DTNB: variants seen among roughly 807,000 people sequenced by gnomAD.
DTNB encodes dystrobrevin beta.
A neutral mutation model predicts 90.7 loss-of-function variants in DTNB; 63 were observed. That is an observed-to-expected ratio of 0.69 (90% CI 0.57 to 0.86). The LOEUF is 0.86. DTNB is among the 40% of genes least tolerant of loss of function. The pLI is 0.00. For missense variants in DTNB, 744 were observed against 807.1 expected (o/e 0.92, Z 0.95); for synonymous variants, 277 against 286.7 (o/e 0.97, Z 0.34).
intron 6 of DTNB, among the ~76,000 whole-genome samples, chr2:25,592,779 G>A (rs1205598302): frequency 3.3e-5 from 5 of 152,164 alleles, no homozygotes; most frequent in Non-Finnish European, 7.3e-5. Flanking sequence ...AGGTATATGA[G>A]GAAAACAGAG....
chr2:25,542,718 G>A (rs951715139), intron 8 of DTNB, among the ~76,000 whole-genome samples: 2 of 152,260 alleles, frequency 1.3e-5, no homozygotes, highest in South Asian at 4.1e-4. Flanking sequence ...TTATTTGGGT[G>A]TTCTATTCCA....
At chr2:25,612,465 C>T (rs571405816) in intron 4 of DTNB, among the ~76,000 whole-genome samples, 1 of 152,114 alleles carries the variant, frequency 6.6e-6, no homozygotes, top group Admixed American at 6.5e-5. Context: ...ATTAAAAATG[C>T]TTATACTAGA....
intron 9 of DTNB, among the ~76,000 whole-genome samples, chr2:25,506,354 AG>A (rs2150624066): frequency 6.6e-6 from 1 of 152,198 alleles, no homozygotes; most frequent in African/African-American, 2.4e-5. Context: ...CTAAATACCG[AG>A]TTGTTTTTTT....
intron 16 of DTNB, among the ~76,000 whole-genome samples, chr2:25,391,617 A>C (rs1478149002): frequency 6.6e-6 from 1 of 152,222 alleles, no homozygotes; most frequent in Non-Finnish European, 1.5e-5. Context: ...GGATGTGGAG[A>C]AATTAGAACC....
intron 8 of DTNB, among the ~76,000 whole-genome samples, chr2:25,536,777 T>C (rs2079915013): frequency 6.6e-6 from 1 of 152,064 alleles, no homozygotes; most frequent in African/African-American, 2.4e-5. Flanking sequence ...TATTTATTTA[T>C]CTGTCACCAG....
intron 18 of DTNB, among the ~76,000 whole-genome samples, chr2:25,385,793 A>G (rs1350236304): frequency 2.6e-5 from 4 of 152,160 alleles, no homozygotes; most frequent in Non-Finnish European, 5.9e-5. Flanking sequence ...TAAGCTTTAC[A>G]TTTTTGTGAA....
In DTNB at chr2:25,573,588, A is replaced by G. The variant is rs1487390590; in HGVS notation, c.876+3250T>C. On this transcript the variant is annotated intron_variant, in intron 8 of 20. Transcript: ENST00000406818. The stretch of plus-strand genomic sequence containing the variant: ...GCCAATTCTTTCTAAGCTCATCTCT[A>G]TCCTATGTCACCTTACCATTAACAG... Among the ~76,000 whole-genome samples the G allele has an allele frequency of 2.0e-5, 3 of 152,052 alleles. No homozygotes were observed. In the East Asian group the frequency reaches 5.8e-4, roughly 29 times the overall value.
intron 9 of DTNB, among the ~76,000 whole-genome samples, chr2:25,515,096 T>C (rs531839236): frequency 1.1e-4 from 16 of 152,134 alleles, no homozygotes; most frequent in Admixed American, 9.2e-4. Flanking sequence ...GGATTTGTTA[T>C]ACATAGAAGA....
chr2:25,566,680 C>T (rs1572682868), intron 8 of DTNB, among the ~76,000 whole-genome samples: 1 of 152,044 alleles, frequency 6.6e-6, no homozygotes, highest in African/African-American at 2.4e-5. Context: ...CCCTAATAGT[C>T]GATAGTCAAT....
intron 8 of DTNB, among the ~76,000 whole-genome samples, chr2:25,548,951 C>A (rs948112180): frequency 1.3e-5 from 2 of 152,278 alleles, no homozygotes; most frequent in Middle Eastern, 6.8e-3. Flanking sequence ...GATAAACAGG[C>A]TTGTGCTGAC....
intron 8 of DTNB, among the ~76,000 whole-genome samples, chr2:25,568,688 TTATCC>T (rs2059393339): frequency 6.6e-6 from 1 of 152,226 alleles, no homozygotes; most frequent in African/African-American, 2.4e-5. Flanking sequence ...TTACAAGGCT[TTATCC>T]CATGTGGGAC....
At chr2:25,527,487 C>T (rs1243013253) in intron 9 of DTNB, among the ~76,000 whole-genome samples, 3 of 151,690 alleles carry the variant, frequency 2.0e-5, no homozygotes, top group African/African-American at 7.3e-5. Context: ...TGCCACTGCA[C>T]TCCAGCCTGG....
chr2:25,422,395 CTTTTTTTTT>C lies in DTNB; in HGVS notation c.1555-2869_1555-2861del, dbSNP rs146697158. Reference sequence around the variant, plus strand: ...ATGTAAATGAGTTTCCTTTTCTCTTCTTTTTTTTTTTTTTTTTTTTTTTTTTTTGAGATG... The same window carrying C: ...ATGTAAATGAGTTTCCTTTTCTCTTCTTTTTTTTTTTTTTTTTTTGAGATG... On this transcript the variant is annotated intron_variant, in intron 15 of 20. Coordinates refer to ENST00000406818, the MANE Select transcript of DTNB (RefSeq NM_021907.5). Among the ~76,000 whole-genome samples, 70 of 82,946 alleles carry C rather than the reference CTTTTTTTTT, an allele frequency of 8.4e-4. 2 individuals are homozygous for C. Among genetic ancestry groups the C allele is most frequent in the African/African-American group, 5.0e-4 (10 of 19,830 alleles). The allele number at this position is 82,946 out of a possible 152,430, so 54.4% of individuals were successfully genotyped here. A position where few individuals can be genotyped will look rare whatever the true frequency, so the allele number is the denominator to read the frequency against.
chr2:25,465,738 C>T (rs1279768970), intron 10 of DTNB, among the ~76,000 whole-genome samples: 2 of 152,176 alleles, frequency 1.3e-5, no homozygotes, highest in Non-Finnish European at 2.9e-5. Flanking sequence ...ATTCAGATTC[C>T]TGATCAAAGT....
chr2:25,395,157 C>T (rs889618930), intron 16 of DTNB, among the ~76,000 whole-genome samples: 8 of 152,264 alleles, frequency 5.3e-5, no homozygotes, highest in Non-Finnish European at 2.9e-5. Flanking sequence ...TACATTCTCA[C>T]TCATATGTGG....
intron 9 of DTNB, among the ~76,000 whole-genome samples, chr2:25,508,284 C>A (rs982274591): frequency 1.3e-5 from 2 of 151,936 alleles, no homozygotes; most frequent in African/African-American, 4.8e-5. Context: ...CAGAGAAAAT[C>A]TGAAGATAAC....
At chr2:25,614,928 G>A (rs958344669) in intron 4 of DTNB, among the ~76,000 whole-genome samples, 1 of 152,158 alleles carries the variant, frequency 6.6e-6, no homozygotes, top group Non-Finnish European at 1.5e-5. Flanking sequence ...CATTTACCTG[G>A]AGATAGCATC....
At chr2:25,625,476 T>C (rs1431895444) in intron 4 of DTNB, among the ~76,000 whole-genome samples, 4 of 152,074 alleles carry the variant, frequency 2.6e-5, no homozygotes, top group Non-Finnish European at 5.9e-5. Context: ...ATGGTCTATG[T>C]TTTAAACACA....
chr2:25,418,797 T>TA (rs2048595154), intron 16 of DTNB, among the ~76,000 whole-genome samples: 1 of 152,162 alleles, frequency 6.6e-6, no homozygotes, highest in African/African-American at 2.4e-5. Flanking sequence ...AGCTTCAGCT[T>TA]AAAAAATGTA....
Sources: gnomAD v4.1 joint callset for allele counts (sites outside exome capture counted in the v4.1 genomes callset) on GRCh38, gnomAD v4.1.1 for gene constraint, MANE v1.5 for transcripts, NCBI Gene and HGNC (gene_info 2026-07-23, HGNC 2026-07-21) for gene names.